The following PTPRT variants were observed in gnomAD, a reference collection of about 807,000 sequenced individuals.
PTPRT encodes receptor-type tyrosine-protein phosphatase T.
In PTPRT, 56 loss-of-function variants were observed where a neutral mutation model predicts 176.8. The ratio of observed to expected loss-of-function variants is 0.32; its 90% CI spans 0.26 to 0.40. The LOEUF (loss-of-function observed/expected upper bound fraction) is 0.40, where lower values mean the gene tolerates loss of function less well. Among genes scored for constraint, PTPRT ranks in the 10% least tolerant of loss-of-function variants. The pLI is 1.00. For missense variants in PTPRT, 1,540 were observed against 1,908.2 expected, an observed-to-expected ratio of 0.81 and a Z score of 3.60; for synonymous variants, 783 against 739.0, an observed-to-expected ratio of 1.06 and a Z score of -0.96.
chr20:42,138,497 C>A (rs1244083110), intron 18 of PTPRT, among the ~76,000 whole-genome samples: 1 of 152,316 alleles, frequency 6.6e-6, no homozygotes. Flanking sequence ...ATCTAGATTA[C>A]ACCTTTATAA....
At chr20:42,277,596 G>A (rs2057062752) in intron 13 of PTPRT, among the ~76,000 whole-genome samples, 1 of 152,168 alleles carries the variant, frequency 6.6e-6, no homozygotes, top group Non-Finnish European at 1.5e-5. Context: ...AAGGACTGAT[G>A]GGCAGAAAAA....
chr20:42,323,281 A>T (rs914994856), intron 11 of PTPRT, among the ~76,000 whole-genome samples: 13 of 152,158 alleles, frequency 8.5e-5, no homozygotes, highest in East Asian at 5.8e-4. Flanking sequence ...AAGGATTATA[A>T]ATCATGCTGC....
intron 6 of PTPRT, among the ~76,000 whole-genome samples, chr20:42,710,892 C>T (rs1204281008): frequency 6.6e-6 from 1 of 152,248 alleles, no homozygotes; most frequent in African/African-American, 2.4e-5. Flanking sequence ...GCCTTGGGAG[C>T]CCACCCCTTG....
At chr20:42,133,253 T>A (rs1988212916) in intron 18 of PTPRT, among the ~76,000 whole-genome samples, 1 of 152,146 alleles carries the variant, frequency 6.6e-6, no homozygotes, top group Admixed American at 6.5e-5. Context: ...TTAAATGCAT[T>A]TTTGACTTAT....
At chr20:42,131,158 T>C (rs1988105360) in intron 18 of PTPRT, among the ~76,000 whole-genome samples, 1 of 151,968 alleles carries the variant, frequency 6.6e-6, no homozygotes, top group Non-Finnish European at 1.5e-5. Flanking sequence ...ACAGCTGGAG[T>C]GTGTGCAAAC....
chr20:42,667,160 A>T (rs751648891), intron 7 of PTPRT, among the ~76,000 whole-genome samples: 6 of 152,198 alleles, frequency 3.9e-5, no homozygotes, highest in East Asian at 3.8e-4. Flanking sequence ...CCTGGAAAAC[A>T]CCCAACTGGG....
intron 7 of PTPRT, among the ~76,000 whole-genome samples, chr20:42,511,176 A>G (rs1181850119): frequency 6.6e-6 from 1 of 152,100 alleles, no homozygotes; most frequent in East Asian, 1.9e-4. Flanking sequence ...CACCAGATGT[A>G]CCCTCTGAAC....
intron 1 of PTPRT, among the ~76,000 whole-genome samples, chr20:42,981,491 T>G (rs1983269591): frequency 6.6e-6 from 1 of 152,210 alleles, no homozygotes. Flanking sequence ...AGCAGAGGCT[T>G]GAAGAAGTAC....
intron 1 of PTPRT, among the ~76,000 whole-genome samples, chr20:43,074,698 A>G (rs2011230865): frequency 6.6e-6 from 1 of 152,192 alleles, no homozygotes; most frequent in Non-Finnish European, 1.5e-5. Context: ...TCTAGTACTT[A>G]GTTTCTCTAT....
intron 6 of PTPRT, among the ~76,000 whole-genome samples, chr20:42,744,067 A>G (rs2076654172): frequency 1.3e-5 from 2 of 152,230 alleles, no homozygotes; most frequent in East Asian, 1.9e-4. Flanking sequence ...GACAGTTCCC[A>G]TGACCAGCTG....
In PTPRT at chr20:42,236,343, A is replaced by G. The variant is rs527603206; in HGVS notation, c.2313-85T>C. ...CAAACAAACAAGAATTAGATTTTTA[A>G]TGAAATCTTGATTCTTAGAAATGCA... On this transcript the variant is annotated intron_variant, in intron 14 of 30. Coordinates refer to ENST00000373187, the MANE Select transcript of PTPRT (RefSeq NM_007050.6). The G allele has an allele frequency of 3.4e-6, 4 of 1,185,628 alleles. No individual in the cohort carries two copies. The South Asian group carries it at 5.1e-5, about 15-fold the overall frequency. The allele number at this position is 1,185,628 out of a possible 1,614,324, so 73.4% of individuals were successfully genotyped here. A position where few individuals can be genotyped will look rare whatever the true frequency, so the allele number is the denominator to read the frequency against.
chr20:42,791,490 G>A (rs747317222), intron 2 of PTPRT, 24 bp from the exon 3 acceptor site: 3 of 1,591,786 alleles, frequency 1.9e-6, no homozygotes, highest in Non-Finnish European at 2.6e-6. Context: ...AAGCAGGTGG[G>A]AAGTAGAGAC....
chr20:42,894,948 C>T (rs904920110), intron 1 of PTPRT, among the ~76,000 whole-genome samples: 4 of 152,116 alleles, frequency 2.6e-5, no homozygotes, highest in African/African-American at 9.7e-5. Flanking sequence ...ACATAGTAAT[C>T]GCTGGTATGT....
intron 7 of PTPRT, among the ~76,000 whole-genome samples, chr20:42,497,305 T>TC (rs911329421): frequency 3.3e-5 from 5 of 151,936 alleles, no homozygotes; most frequent in African/African-American, 4.8e-5. Flanking sequence ...ATGGCATTTT[T>TC]CCCCCCCAGA....
intron 6 of PTPRT, among the ~76,000 whole-genome samples, chr20:42,719,157 C>T (rs1259703146): frequency 1.3e-5 from 2 of 152,156 alleles, no homozygotes; most frequent in African/African-American, 4.8e-5. Flanking sequence ...CTGTGGCAAT[C>T]CACAGGAATA....
rs537189897 is a variant in PTPRT, at chr20:42,879,752, T to A, written c.214+6055A>T. 2.7e-5 allele frequency among the ~76,000 whole-genome samples: 4 copies of A among 145,698 alleles called. No homozygotes were observed. In the East Asian group the frequency reaches 7.8e-4, roughly 28 times the overall value. On this transcript the variant is annotated intron_variant, in intron 2 of 30. Coordinates refer to ENST00000373187, the MANE Select transcript of PTPRT (RefSeq NM_007050.6). ...GGTGAAATGTGTGTGTGTGTGTGTG[T>A]GTGTGCGCGTGTGTGTGTGTGCATG...
chr20:43,103,727 C>A (rs1355980184), intron 1 of PTPRT, among the ~76,000 whole-genome samples: 1 of 145,692 alleles, frequency 6.9e-6, no homozygotes, highest in African/African-American at 2.6e-5. Flanking sequence ...TATTTCATTT[C>A]ATTTCATGGA....
intron 18 of PTPRT, among the ~76,000 whole-genome samples, chr20:42,135,675 T>C (rs546084084): frequency 6.6e-6 from 1 of 152,174 alleles, no homozygotes; most frequent in Non-Finnish European, 1.5e-5. Context: ...GAAATTTAGC[T>C]GTGTGAAAAG....
chr20:42,811,098 T>TG (rs749869753), intron 2 of PTPRT, among the ~76,000 whole-genome samples: 2 of 152,218 alleles, frequency 1.3e-5, no homozygotes, highest in Non-Finnish European at 2.9e-5. Flanking sequence ...CTTTCCCTTT[T>TG]TATTTTTAAA....
Sources: gnomAD v4.1 joint callset for allele counts (sites outside exome capture counted in the v4.1 genomes callset) on GRCh38, gnomAD v4.1.1 for gene constraint, MANE v1.5 for transcripts, NCBI Gene and HGNC (gene_info 2026-07-23, HGNC 2026-07-21) for gene names.